Variants in PM20D1 observed in about 807,000 individuals in gnomAD.
PM20D1 encodes peptidase M20 domain containing 1, also known as N-fatty-acyl-amino acid synthase/hydrolase PM20D1.
PM20D1 carries 53 observed loss-of-function variants against 53.8 expected under a neutral mutation model. That is an observed-to-expected ratio of 0.98 (90% CI 0.79 to 1.24). PM20D1 has a LOEUF of 1.24. Among genes scored for constraint, PM20D1 ranks in the 50% most tolerant of loss-of-function variants. PM20D1 has a pLI of 0.00. For missense variants in PM20D1, 564 were observed against 616.8 expected (o/e 0.91, Z 0.91); for synonymous variants, 239 against 241.3 (o/e 0.99, Z 0.09).
intron 6 of PM20D1, among the ~76,000 whole-genome samples, chr1:205,843,363 C>G (rs991866211): frequency 2.6e-5 from 4 of 152,200 alleles, no homozygotes; most frequent in Admixed American, 6.5e-5. Context: ...GTGGCTCTGT[C>G]TCTCCTGTGG....
In PM20D1 at chr1:205,842,197, T is replaced by C. The variant is rs1220429145; in HGVS notation, c.922A>G (p.Ile308Val). Residue 308 changes from isoleucine (I) to valine (V), a missense_variant, in exon 8 of 13, where the codon ATA becomes GTA. Coordinates refer to ENST00000367136, the MANE Select transcript of PM20D1 (RefSeq NM_152491.5). The stretch of plus-strand genomic sequence containing the variant: ...AATAGCCATGGGTTGCTCAGGATTA[T>C]ATTGACAGGGAAGGGAAACTGGGAA... The part of the protein sequence containing the change: ...LANEFPFPVN[I>V]ILSNPWLFEP... 1.9e-6 allele frequency: 3 copies of C among 1,613,144 alleles called. No homozygotes were observed. The highest frequency in any genetic ancestry group is 2.2e-5 in the East Asian group (1 of 44,864).
chr1:205,837,593 G>A (rs111612117), intron 10 of PM20D1, among the ~76,000 whole-genome samples: 64 of 152,332 alleles, frequency 4.2e-4, no homozygotes, highest in African/African-American at 1.5e-3. Context: ...TGTTCCTGAC[G>A]CATGGAACTG....
intron 10 of PM20D1, 143 bp downstream of exon 10, chr1:205,840,109 C>A: frequency 1.7e-6 from 1 of 577,070 alleles, no homozygotes; most frequent in East Asian, 3.1e-5. Flanking sequence ...AATGAAGTAT[C>A]CGGTGCATAG....
intron 3 of PM20D1, 26 bp downstream of exon 3, chr1:205,845,299 G>A: frequency 6.2e-7 from 1 of 1,604,792 alleles, no homozygotes; most frequent in Middle Eastern, 1.7e-4. Context: ...AGGGCCCCAA[G>A]GCAGAGGGAA....
At chr1:205,846,778 G>A (rs2102531994) in intron 2 of PM20D1, among the ~76,000 whole-genome samples, 1 of 152,100 alleles carries the variant, frequency 6.6e-6, no homozygotes, top group South Asian at 2.1e-4. Flanking sequence ...ATCTCTCTCT[G>A]GGTTTTTTGG....
Position 205,850,062 on chromosome 1 carries a change from C to T in PM20D1, c.11G>A (p.Arg4Gln). 1 of 1,613,266 alleles carries T rather than the reference C, an allele frequency of 6.2e-7. No homozygotes were observed. Among genetic ancestry groups the T allele is most frequent in the Admixed American group, 1.7e-5 (1 of 59,972 alleles). MAQ[R>Q]CVCVLALVAM... The stretch of plus-strand genomic sequence containing the variant: ...CACCAGGGCCAGCACGCAAACGCAC[C>T]GCTGAGCCATGCTTCTCTCGAGCTC... The change falls in exon 1 of 13, where the codon CGG becomes CAG. Residue 4 changes from arginine (R) to glutamine (Q), a missense_variant. Physicochemically the swap from Arg to Gln is conservative, Grantham distance 43 (BLOSUM62 1). Transcript: ENST00000367136.
In PM20D1 at chr1:205,845,331, A is replaced by C; in HGVS notation, c.483T>G (p.Ser161=). ...YGRGTLDDKN[S]VMALLQALEL... ...GGAACATTGCATCTCAGACCATCAC[A>C]GAGTTCTTGTCGTCCAGTGTGCCCC... Residue 161 remains serine, a synonymous_variant, in exon 3 of 13, where the codon TCT becomes TCG. Transcript: ENST00000367136. 7 of 1,613,276 alleles carry C rather than the reference A, an allele frequency of 4.3e-6. No individual in the cohort carries two copies. Among genetic ancestry groups the C allele is most frequent in the Non-Finnish European group, 5.9e-6 (7 of 1,179,188 alleles).
chr1:205,844,274 C>A, intron 4 of PM20D1, 57 bp from the exon 5 acceptor site: 1 of 1,520,134 alleles, frequency 6.6e-7, no homozygotes. Context: ...GACCTCCAGA[C>A]ATAGCTAATG....
chr1:205,848,102 A>G, intron 1 of PM20D1, 131 bp from the exon 2 acceptor site: 2 of 827,884 alleles, frequency 2.4e-6, no homozygotes, highest in Non-Finnish European at 2.0e-6. Context: ...AATGTGAGGT[A>G]GGCGCTATTG....
At chr1:205,843,579 G>A (rs1656867333) in intron 6 of PM20D1, 88 bp downstream of exon 6, 1 of 1,518,442 alleles carries the variant, frequency 6.6e-7, no homozygotes, top group Non-Finnish European at 8.8e-7. Flanking sequence ...TTTAGGGCAG[G>A]AAGCTTAGCC....
chr1:205,834,186 C>T (rs1484082946), intron 10 of PM20D1, among the ~76,000 whole-genome samples: 7 of 145,426 alleles, frequency 4.8e-5, no homozygotes, highest in Admixed American at 6.9e-5. Flanking sequence ...GACAGAATCT[C>T]GCTGTGTCGC....
Position 205,832,781 on chromosome 1 carries a change from C to T in PM20D1, c.1117-15G>A. ...AGTTCTAGGACCTCCAGGGTAGAAACAAAGGGGGTTCGATTTCTTATTGAT... is the reference window on the plus strand; with the variant it reads ...AGTTCTAGGACCTCCAGGGTAGAAATAAAGGGGGTTCGATTTCTTATTGAT... On this transcript the variant is annotated splice_polypyrimidine_tract_variant and intron_variant, in intron 10 of 12. Coordinates refer to ENST00000367136, the MANE Select transcript of PM20D1 (RefSeq NM_152491.5). 1 of 1,547,720 alleles carries T rather than the reference C, an allele frequency of 6.5e-7. No homozygotes were observed. Among genetic ancestry groups the T allele is most frequent in the South Asian group, 1.2e-5 (1 of 81,238 alleles).
chr1:205,831,446 G>A (rs1656558187), intron 11 of PM20D1, among the ~76,000 whole-genome samples: 2 of 152,234 alleles, frequency 1.3e-5, no homozygotes, highest in South Asian at 4.2e-4. Context: ...TGAGGGCCGG[G>A]TTCCTGGATG....
rs757399907 is a variant in PM20D1, at chr1:205,842,130, A to T, written c.965+24T>A. 10 of 1,599,932 alleles carry T rather than the reference A, an allele frequency of 6.3e-6. No individual in the cohort carries two copies. In the African/African-American group the frequency reaches 1.3e-4, roughly 21 times the overall value. ...GGGTAGGTTTGAGGTGAGGGATGTG[A>T]AAAAAGGAAAGATAATACTTTACCT... On this transcript the variant is annotated intron_variant, in intron 8 of 12. Coordinates refer to ENST00000367136, the MANE Select transcript of PM20D1 (RefSeq NM_152491.5).
chr1:205,832,828 G>T lies in PM20D1; in HGVS notation c.1117-62C>A, dbSNP rs1287672227. The T allele has an allele frequency of 1.6e-5, 23 of 1,465,866 alleles. No individual in the cohort carries two copies. The South Asian group carries it at 3.2e-4, about 20-fold the overall frequency. The allele number at this position is 1,465,866 out of a possible 1,614,324, so 90.8% of individuals were successfully genotyped here. On this transcript the variant is annotated intron_variant, in intron 10 of 12. Transcript: ENST00000367136. ...TGATTTCTATACATGTACAATATGG[G>T]CTTAAATATCCTGATTTCTTTCCAG...
intron 11 of PM20D1, among the ~76,000 whole-genome samples, chr1:205,832,321 G>C (rs550923223): frequency 1.8e-4 from 28 of 152,314 alleles, no homozygotes; most frequent in African/African-American, 6.3e-4. Context: ...AGAGAGGAGG[G>C]AGTAGTCTAA....
In PM20D1 at chr1:205,828,713, G is replaced by C. The variant is rs1000119022; in HGVS notation, c.1416C>G (p.Val472=). The C allele has an allele frequency of 6.2e-7, 1 of 1,613,998 alleles. No individual in the cohort carries two copies. The highest frequency in any genetic ancestry group is 1.3e-5 in the African/African-American group (1 of 74,924). Residue 472 remains valine (V), a synonymous_variant, in exon 13 of 13, where the codon GTC becomes GTG. Transcript: ENST00000367136. The stretch of plus-strand genomic sequence containing the variant: ...ATTTCACTTGGGTCTCATAGGCTTG[G>C]ACTGAGATTTTCTCGTTGACTCCAT... ...RIHGVNEKIS[V]QAYETQVKFI...
intron 1 of PM20D1, 72 bp downstream of exon 1, chr1:205,849,832 G>T (rs1657088060): frequency 6.6e-7 from 1 of 1,512,644 alleles, no homozygotes. Flanking sequence ...CGGAAGCGGG[G>T]AGTCACGGGT....
chr1:205,838,235 G>A (rs541812472), intron 10 of PM20D1, among the ~76,000 whole-genome samples: 107 of 151,342 alleles, frequency 7.1e-4, no homozygotes, highest in Non-Finnish European at 1.3e-3. Context: ...ATAGTCACTG[G>A]GTTGTCTTTT....
Sources: allele counts gnomAD v4.1 joint callset (sites outside exome capture counted in the v4.1 genomes callset), GRCh38; gene constraint gnomAD v4.1.1; transcripts MANE v1.5; gene names NCBI Gene and HGNC (gene_info 2026-07-23, HGNC 2026-07-21).